The following RBFOX1 variants were observed in gnomAD, a reference collection of about 807,000 sequenced individuals.
RBFOX1 encodes the protein RNA binding protein fox-1 homolog 1.
In RBFOX1, 8 loss-of-function variants were observed where a neutral mutation model predicts 57.7. The ratio of observed to expected loss-of-function variants is 0.14; its 90% confidence interval spans 0.08 to 0.25. The LOEUF is 0.25. Among genes scored for constraint, RBFOX1 ranks in the 10% least tolerant of loss-of-function variants. The pLI is 1.00. For missense variants in RBFOX1, 611 were observed against 548.5 expected, an observed-to-expected ratio of 1.11 and a Z score of -1.14; for synonymous variants, 326 against 222.4, an observed-to-expected ratio of 1.47 and a Z score of -4.15.
At chr16:6,749,834 TTC>T (rs2074562094) in intron 3 of RBFOX1, among the ~76,000 whole-genome samples, 2 of 152,212 alleles carry the variant, frequency 1.3e-5, no homozygotes, top group African/African-American at 2.4e-5. Context: ...TCGTTTTGCT[TTC>T]TGTTTCCCTT....
intron 2 of RBFOX1, among the ~76,000 whole-genome samples, chr16:6,593,288 G>T (rs2097739266): frequency 6.6e-6 from 1 of 152,118 alleles, no homozygotes; most frequent in Non-Finnish European, 1.5e-5. Context: ...AAAATGTATT[G>T]CTCAATACAG....
At chr16:7,047,426 C>A (rs959503685) in intron 3 of RBFOX1, among the ~76,000 whole-genome samples, 1 of 151,956 alleles carries the variant, frequency 6.6e-6, no homozygotes, top group South Asian at 2.1e-4. Flanking sequence ...ATCCATAGTT[C>A]TTTGAATTGT....
At chr16:6,898,933 A>C (rs2067697655) in intron 3 of RBFOX1, among the ~76,000 whole-genome samples, 1 of 151,116 alleles carries the variant, frequency 6.6e-6, no homozygotes, top group South Asian at 2.1e-4. Context: ...ATATGTGTGT[A>C]TGTGTGTATA....
intron 3 of RBFOX1, among the ~76,000 whole-genome samples, chr16:7,024,377 T>A (rs2040251973): frequency 6.6e-6 from 1 of 152,264 alleles, no homozygotes; most frequent in East Asian, 1.9e-4. Flanking sequence ...TTGAGTGCAA[T>A]GAAGCTTGAT....
chr16:7,242,063 A>C (rs573474590), intron 4 of RBFOX1, among the ~76,000 whole-genome samples: 2 of 152,240 alleles, frequency 1.3e-5, no homozygotes, highest in African/African-American at 4.8e-5. Flanking sequence ...TAGGCACCTC[A>C]GTGATAACAA....
chr16:7,396,042 A>C (rs762903645), intron 4 of RBFOX1, among the ~76,000 whole-genome samples: 5 of 152,146 alleles, frequency 3.3e-5, no homozygotes, highest in African/African-American at 1.2e-4. Flanking sequence ...TTTCTGGGAC[A>C]CTGAATTCAT....
chr16:6,312,558 A>C (rs2080464684), intron 1 of RBFOX1, among the ~76,000 whole-genome samples: 1 of 152,150 alleles, frequency 6.6e-6, no homozygotes. Context: ...AATTTCTGGC[A>C]CTATGCTAGA....
intron 3 of RBFOX1, among the ~76,000 whole-genome samples, chr16:5,815,850 C>T (rs1047419533): frequency 6.6e-6 from 1 of 152,158 alleles, no homozygotes; most frequent in African/African-American, 2.4e-5. Context: ...CACTAATGAA[C>T]TCAGATGGGG....
At chr16:7,582,814 T>C (rs1316644459) in intron 6 of RBFOX1, among the ~76,000 whole-genome samples, 1 of 152,128 alleles carries the variant, frequency 6.6e-6, no homozygotes, top group African/African-American at 2.4e-5. Context: ...ATCTTTGTGC[T>C]TTTCCCCCCC....
intron 2 of RBFOX1, among the ~76,000 whole-genome samples, chr16:6,505,067 C>T (rs538940570): frequency 1.2e-4 from 18 of 152,028 alleles, no homozygotes; most frequent in South Asian, 2.1e-4. Context: ...AGTGACACTC[C>T]GTCTCAATAA....
chr16:5,799,171 C>T (rs1460920516), intron 3 of RBFOX1, among the ~76,000 whole-genome samples: 1 of 151,974 alleles, frequency 6.6e-6, no homozygotes, highest in African/African-American at 2.4e-5. Flanking sequence ...GAAATCCAAG[C>T]AGAAAGGGAA....
At chr16:6,167,535 A>G (rs1338784023) in intron 1 of RBFOX1, among the ~76,000 whole-genome samples, 1 of 152,124 alleles carries the variant, frequency 6.6e-6, no homozygotes, top group African/African-American at 2.4e-5. Flanking sequence ...GGGACTGACA[A>G]ATTTTTGGAT....
At chr16:6,476,989 T>G (rs2095283429) in intron 2 of RBFOX1, among the ~76,000 whole-genome samples, 1 of 152,206 alleles carries the variant, frequency 6.6e-6, no homozygotes, top group Non-Finnish European at 1.5e-5. Flanking sequence ...AAGAAACTCC[T>G]CATCTGTTAA....
intron 3 of RBFOX1, among the ~76,000 whole-genome samples, chr16:6,833,599 T>G (rs2092871447): frequency 2.0e-5 from 3 of 152,248 alleles, no homozygotes; most frequent in Admixed American, 6.5e-5. Context: ...CACCTGTTAG[T>G]ATGTTGTTAA....
chr16:5,556,792 G>C (rs1001068898), intron 2 of RBFOX1, among the ~76,000 whole-genome samples: 8 of 152,170 alleles, frequency 5.3e-5, no homozygotes, highest in Non-Finnish European at 1.0e-4. Context: ...ACACTGTTCT[G>C]TGGCCACATA....
At chr16:7,303,069 G>C (rs182693520) in intron 4 of RBFOX1, among the ~76,000 whole-genome samples, 89 of 152,314 alleles carry the variant, frequency 5.8e-4, no homozygotes, top group African/African-American at 1.9e-3. Flanking sequence ...GGTGTTCTGG[G>C]CTGGGAGAAG....
chr16:6,862,751 G>C (rs943539688), intron 3 of RBFOX1, among the ~76,000 whole-genome samples: 2 of 152,248 alleles, frequency 1.3e-5, no homozygotes, highest in East Asian at 3.9e-4. Flanking sequence ...TTGTAAGGCC[G>C]AGGCTGGTGG....
At chr16:7,583,800 G>A (rs961780445) in intron 6 of RBFOX1, among the ~76,000 whole-genome samples, 3 of 151,512 alleles carry the variant, frequency 2.0e-5, no homozygotes, top group Admixed American at 6.6e-5. Context: ...GCGCAACATA[G>A]GGAGACCCAG....
chr16:6,628,140 T>C (rs1227031163), intron 2 of RBFOX1, among the ~76,000 whole-genome samples: 1 of 152,230 alleles, frequency 6.6e-6, no homozygotes, highest in Admixed American at 6.5e-5. Flanking sequence ...GTCTCTGTGA[T>C]ACTGGTATGG....
Sources: allele counts gnomAD v4.1 joint callset (sites outside exome capture counted in the v4.1 genomes callset), GRCh38; gene constraint gnomAD v4.1.1; transcripts MANE v1.5; gene names NCBI Gene and HGNC (gene_info 2026-07-23, HGNC 2026-07-21).